IQCM: variants seen among roughly 807,000 people sequenced by gnomAD.
IQCM encodes IQ motif containing M, also known as IQ domain-containing protein M.
A neutral mutation model predicts 57.6 loss-of-function variants in IQCM; 45 were observed. That is an observed-to-expected ratio of 0.78 (90% CI 0.62 to 1.00). The LOEUF (loss-of-function observed/expected upper bound fraction) is 1.00. Among genes scored for constraint, IQCM ranks in the 50% least tolerant of loss-of-function variants. The pLI, the probability that IQCM is intolerant of heterozygous loss-of-function variation, is 0.00. For missense variants in IQCM, 468 were observed against 511.6 expected (o/e 0.91, Z 0.82); for synonymous variants, 148 against 158.9 (o/e 0.93, Z 0.51).
At chr4:149,412,795 T>A (rs1467945234) in intron 13 of IQCM, among the ~76,000 whole-genome samples, 1 of 152,166 alleles carries the variant, frequency 6.6e-6, no homozygotes, top group Non-Finnish European at 1.5e-5. Context: ...ATGTTTTAGA[T>A]TTAGTTAATG....
rs543928881 is a variant in IQCM, at chr4:149,669,093, A to C, written c.565+13025T>G. ...GGTTGAATTAGTTTACAGTCCCACC[A>C]ACAGTGTAAAAGTGTTCCTATTTCT... is the stretch of plus-strand genomic sequence containing the variant. On this transcript the variant is annotated intron_variant, in intron 7 of 13. Transcript: ENST00000636793. Among the ~76,000 whole-genome samples the C allele has an allele frequency of 5.4e-4, 83 of 152,322 alleles. 2 individuals carry two copies. In the South Asian group the frequency reaches 0.016, roughly 29 times the overall value.
chr4:149,421,380 T>C (rs1734111310), intron 13 of IQCM, among the ~76,000 whole-genome samples: 1 of 151,928 alleles, frequency 6.6e-6, no homozygotes, highest in Non-Finnish European at 1.5e-5. Context: ...AACACAACGG[T>C]GATGTGAATG....
At chr4:149,719,344 T>TAAAAAAA (rs763244074) in intron 5 of IQCM, among the ~76,000 whole-genome samples, 1 of 124,372 alleles carries the variant, frequency 8.0e-6, no homozygotes, top group Non-Finnish European at 1.7e-5. Context: ...AAGTCAGTCT[T>TAAAAAAA]AAAAAAAAAA....
At chr4:149,808,182 G>A (rs193077847) in intron 2 of IQCM, among the ~76,000 whole-genome samples, 176 of 152,188 alleles carry the variant, frequency 1.2e-3, no homozygotes, top group Middle Eastern at 3.4e-3. Flanking sequence ...CTCATCAGTG[G>A]ATAAAAGGAT....
chr4:149,423,476 C>T (rs1054575782), intron 13 of IQCM, among the ~76,000 whole-genome samples: 3 of 152,002 alleles, frequency 2.0e-5, no homozygotes, highest in African/African-American at 7.2e-5. Flanking sequence ...CTGTATCAGT[C>T]TCAGTTGAGT....
In IQCM at chr4:149,425,136, G is replaced by A. The variant is rs573731958; in HGVS notation, c.1390+8260C>T. Among the ~76,000 whole-genome samples, 7 of 152,010 alleles carry A rather than the reference G, an allele frequency of 4.6e-5. No individual in the cohort carries two copies. The East Asian group carries it at 1.4e-3, about 30-fold the overall frequency. ...GATTATGAAGATAACATGAGAAAAT[G>A]CACATAAAATGTATAGCTCTGAGTC... On this transcript the variant is annotated intron_variant, in intron 13 of 13. Transcript: ENST00000636793.
In IQCM at chr4:149,403,088, A is replaced by G. The variant is rs114372384; in HGVS notation, c.1390+30308T>C. 2.3e-3 allele frequency among the ~76,000 whole-genome samples: 345 copies of G among 152,116 alleles called. 3 individuals carry two copies. The highest frequency in any genetic ancestry group is 1.9e-3 in the Non-Finnish European group (126 of 67,898). On this transcript the variant is annotated intron_variant, in intron 13 of 13. Coordinates refer to ENST00000636793, the MANE Select transcript of IQCM (RefSeq NM_001363507.2). ...AAAGTGCATCACAAACATATCCAGC[A>G]TAAGCATTTTTAAGTGAATGAAATA...
At chr4:149,565,741 T>C (rs959162264) in intron 9 of IQCM, among the ~76,000 whole-genome samples, 4 of 152,140 alleles carry the variant, frequency 2.6e-5, no homozygotes, top group Admixed American at 6.6e-5. Context: ...TTTTGACCTA[T>C]ATCTAAACAT....
chr4:149,419,064 C>T (rs762519152), intron 13 of IQCM, among the ~76,000 whole-genome samples: 9 of 152,062 alleles, frequency 5.9e-5, no homozygotes, highest in South Asian at 2.1e-4. Flanking sequence ...GGCCATACTG[C>T]CCAAAGTAAT....
intron 7 of IQCM, among the ~76,000 whole-genome samples, chr4:149,643,837 C>A (rs940037353): frequency 6.6e-6 from 1 of 152,182 alleles, no homozygotes; most frequent in African/African-American, 2.4e-5. Context: ...GTGGGTTACA[C>A]TTTAGATTCT....
chr4:149,472,757 C>T (rs947273864), intron 12 of IQCM, among the ~76,000 whole-genome samples: 1 of 152,126 alleles, frequency 6.6e-6, no homozygotes, highest in Non-Finnish European at 1.5e-5. Flanking sequence ...CAGCATGGTA[C>T]TGGTACCAAA....
At chr4:149,707,990 C>T (rs190689992) in intron 5 of IQCM, among the ~76,000 whole-genome samples, 3 of 152,072 alleles carry the variant, frequency 2.0e-5, no homozygotes, top group African/African-American at 7.2e-5. Flanking sequence ...TGCAATCTTC[C>T]TTCTTCCAGT....
At chr4:149,735,166 T>C (rs1394331917) in intron 4 of IQCM, among the ~76,000 whole-genome samples, 1 of 152,222 alleles carries the variant, frequency 6.6e-6, no homozygotes, top group African/African-American at 2.4e-5. Flanking sequence ...CACATTTGTA[T>C]AATTAAAATT....
chr4:149,480,903 A>T (rs1198667995), intron 12 of IQCM, among the ~76,000 whole-genome samples: 1 of 152,016 alleles, frequency 6.6e-6, no homozygotes, highest in Admixed American at 6.6e-5. Context: ...TCCTTAGCTC[A>T]TCCTTGCTAG....
intron 7 of IQCM, among the ~76,000 whole-genome samples, chr4:149,664,070 AGTCTGTT>A (rs1760470026): frequency 6.6e-6 from 1 of 152,026 alleles, no homozygotes; most frequent in Non-Finnish European, 1.5e-5. Flanking sequence ...CTGCTTGATT[AGTCTGTT>A]GTTGAAGCCC....
chr4:149,485,101 T>C (rs934947977), intron 12 of IQCM, among the ~76,000 whole-genome samples: 41 of 152,116 alleles, frequency 2.7e-4, no homozygotes, highest in African/African-American at 9.9e-4. Context: ...CTCCATTGTA[T>C]GTTATCTGTT....
At chr4:149,731,273 G>A (rs918381577) in intron 5 of IQCM, among the ~76,000 whole-genome samples, 6 of 152,104 alleles carry the variant, frequency 3.9e-5, no homozygotes, top group Admixed American at 2.0e-4. Context: ...AGGTTTCAGA[G>A]AGCTGCTAGC....
chr4:149,717,927 C>T (rs1765136555), intron 5 of IQCM, among the ~76,000 whole-genome samples: 2 of 152,170 alleles, frequency 1.3e-5, no homozygotes, highest in African/African-American at 2.4e-5. Context: ...ATGCTATTGG[C>T]AAATCCCCGG....
chr4:149,753,246 C>T lies in IQCM; in HGVS notation c.-48-10507G>A, dbSNP rs181317282. 1.2e-3 allele frequency among the ~76,000 whole-genome samples: 184 copies of T among 150,798 alleles called. 1 individual carries two copies. Among genetic ancestry groups the T allele is most frequent in the Middle Eastern group, 3.4e-3 (1 of 292 alleles). ...GAATAGTAATTTACTCCATAGGAAA[C>T]GAAAACAATAAAAAAAATGAAAAAG... On this transcript the variant is annotated intron_variant, in intron 2 of 13. Coordinates refer to ENST00000636793, the MANE Select transcript of IQCM (RefSeq NM_001363507.2).
Sources: allele counts gnomAD v4.1 joint callset (sites outside exome capture counted in the v4.1 genomes callset), GRCh38; gene constraint gnomAD v4.1.1; transcripts MANE v1.5; gene names NCBI Gene and HGNC (gene_info 2026-07-23, HGNC 2026-07-21).